The following CDH12 variants were observed in gnomAD, a reference collection of about 807,000 sequenced individuals.
CDH12 encodes cadherin-12.
A neutral mutation model predicts 74.1 loss-of-function variants in CDH12; 41 were observed. The observed-to-expected ratio is 0.55, with a 90% CI of 0.43 to 0.72. The LOEUF (loss-of-function observed/expected upper bound fraction) is 0.72. Ranked by LOEUF, CDH12 falls within the 30% of genes least tolerant of loss-of-function variation. The pLI, the probability that CDH12 is intolerant of heterozygous loss-of-function variation, is 0.00. For synonymous variants in CDH12, 399 were observed against 355.0 expected, an observed-to-expected ratio of 1.12 and a Z score of -1.39; for missense variants, 945 against 977.2, an observed-to-expected ratio of 0.97 and a Z score of 0.44.
At chr5:22,065,313 T>C (rs1376229111) in intron 5 of CDH12, among the ~76,000 whole-genome samples, 1 of 152,164 alleles carries the variant, frequency 6.6e-6, no homozygotes, top group African/African-American at 2.4e-5. Flanking sequence ...GGGGAGTACA[T>C]GTGGGAATAG....
At position 22,126,566 on chromosome 5, in the gene CDH12, A is replaced by C. The variant is rs193151996; in HGVS notation, c.-186-47704T>G. 9.0e-4 allele frequency among the ~76,000 whole-genome samples: 137 copies of C among 152,358 alleles called. 1 individual carries two copies. Among genetic ancestry groups the C allele is most frequent in the African/African-American group, 3.1e-3 (130 of 41,582 alleles). ...TATATACACTTTGAGTAAAATATAA[A>C]AAGTGGTAAATATCAGGAAAAGTTT... On this transcript the variant is annotated intron_variant, in intron 4 of 14. Coordinates refer to ENST00000382254, the MANE Select transcript of CDH12 (RefSeq NM_004061.5).
At chr5:21,858,386 CT>C (rs1750863143) in intron 6 of CDH12, among the ~76,000 whole-genome samples, 1 of 151,802 alleles carries the variant, frequency 6.6e-6, no homozygotes, top group South Asian at 2.1e-4. Context: ...GATGAATTAA[CT>C]TAAATTTGAG....
At chr5:22,588,794 C>T (rs1280208952) in intron 1 of CDH12, among the ~76,000 whole-genome samples, 2 of 152,094 alleles carry the variant, frequency 1.3e-5, no homozygotes, top group African/African-American at 4.8e-5. Context: ...GCTCCTGCTC[C>T]CACCCAAACC....
chr5:22,764,855 G>C (rs1185344794), intron 1 of CDH12, among the ~76,000 whole-genome samples: 3 of 152,004 alleles, frequency 2.0e-5, no homozygotes, highest in Middle Eastern at 6.8e-3. Context: ...GATCATGAAA[G>C]ACAAAGAAAG....
chr5:22,164,272 C>T (rs983989335), intron 4 of CDH12, among the ~76,000 whole-genome samples: 3 of 152,154 alleles, frequency 2.0e-5, no homozygotes, highest in Non-Finnish European at 4.4e-5. Context: ...AGTGTTATAG[C>T]TCTATTAGAA....
chr5:22,054,655 T>C (rs1229632175), intron 5 of CDH12, among the ~76,000 whole-genome samples: 2 of 152,104 alleles, frequency 1.3e-5, no homozygotes, highest in Non-Finnish European at 2.9e-5. Flanking sequence ...ATCTAAAAGT[T>C]TGTAAAAGAG....
intron 5 of CDH12, among the ~76,000 whole-genome samples, chr5:21,990,236 G>A (rs1170251944): frequency 1.3e-5 from 2 of 152,092 alleles, no homozygotes; most frequent in East Asian, 1.9e-4. Flanking sequence ...ATTTATAAAG[G>A]AATGAATGCA....
intron 5 of CDH12, among the ~76,000 whole-genome samples, chr5:22,031,960 G>T (rs575277195): frequency 6.6e-6 from 1 of 152,012 alleles, no homozygotes; most frequent in African/African-American, 2.4e-5. Context: ...CAAAAATGGC[G>T]CTGATAGACT....
At chr5:22,043,069 G>A (rs890777655) in intron 5 of CDH12, among the ~76,000 whole-genome samples, 6 of 151,900 alleles carry the variant, frequency 3.9e-5, no homozygotes, top group Admixed American at 1.3e-4. Flanking sequence ...AATTACAGAG[G>A]AGGAAATTCT....
chr5:22,356,640 T>A (rs1423207390), intron 3 of CDH12, among the ~76,000 whole-genome samples: 1 of 152,150 alleles, frequency 6.6e-6, no homozygotes, highest in Non-Finnish European at 1.5e-5. Context: ...TTTGCATATG[T>A]CAGTATATTG....
chr5:22,494,294 C>A (rs10068760), intron 2 of CDH12, among the ~76,000 whole-genome samples: 1 of 152,108 alleles, frequency 6.6e-6, no homozygotes, highest in South Asian at 2.1e-4. Context: ...TTAGGTGAAT[C>A]GGTGTGTCTA....
intron 2 of CDH12, among the ~76,000 whole-genome samples, chr5:22,500,380 C>T (rs1442051548): frequency 6.6e-6 from 1 of 152,024 alleles, no homozygotes; most frequent in Non-Finnish European, 1.5e-5. Context: ...TATAAATGTT[C>T]AGTTAAACAT....
chr5:22,827,073 AGTGGTTT>A (rs1736375236), intron 1 of CDH12, among the ~76,000 whole-genome samples: 1 of 152,202 alleles, frequency 6.6e-6, no homozygotes. Flanking sequence ...TAAGAAAAAA[AGTGGTTT>A]CCTGGGCTGG....
At chr5:22,192,804 T>A (rs1270044577) in intron 4 of CDH12, among the ~76,000 whole-genome samples, 1 of 152,166 alleles carries the variant, frequency 6.6e-6, no homozygotes, top group Non-Finnish European at 1.5e-5. Context: ...ATATTTGTAT[T>A]TGAAACAGAA....
intron 1 of CDH12, among the ~76,000 whole-genome samples, chr5:22,820,864 A>C (rs6864467): frequency 0.025 from 3,778 of 152,160 alleles, 157 homozygotes; most frequent in African/African-American, 0.087. Context: ...AAAAGAGGGA[A>C]TCCTCCCTAA....
intron 3 of CDH12, among the ~76,000 whole-genome samples, chr5:22,268,156 T>C (rs1429812313): frequency 1.3e-5 from 2 of 152,084 alleles, no homozygotes; most frequent in Non-Finnish European, 2.9e-5. Flanking sequence ...ACAAGACCTC[T>C]AGTAATAGTC....
chr5:22,773,859 A>T (rs1028579779), intron 1 of CDH12, among the ~76,000 whole-genome samples: 1 of 152,158 alleles, frequency 6.6e-6, no homozygotes, highest in African/African-American at 2.4e-5. Context: ...GGAAGAAGAT[A>T]TACAAACAGC....
chr5:22,203,458 G>A (rs1463134574), intron 4 of CDH12, among the ~76,000 whole-genome samples: 1 of 152,092 alleles, frequency 6.6e-6, no homozygotes, highest in Non-Finnish European at 1.5e-5. Flanking sequence ...GTATTCTACT[G>A]TGTATATATA....
intron 2 of CDH12, among the ~76,000 whole-genome samples, chr5:22,447,161 C>T (rs1391473205): frequency 4.6e-5 from 7 of 152,048 alleles, no homozygotes; most frequent in Admixed American, 1.3e-4. Flanking sequence ...GGCTATAATT[C>T]CAATAGATTT....
Sources: gnomAD v4.1 joint callset for allele counts (sites outside exome capture counted in the v4.1 genomes callset) on GRCh38, gnomAD v4.1.1 for gene constraint, MANE v1.5 for transcripts, NCBI Gene and HGNC (gene_info 2026-07-23, HGNC 2026-07-21) for gene names.